CRYM: variants seen among roughly 807,000 people sequenced by gnomAD.
CRYM encodes ketimine reductase mu-crystallin.
Under a neutral mutation model 32.9 loss-of-function variants are expected in CRYM, and 18 were observed. The observed-to-expected ratio is 0.55, with a 90% confidence interval of 0.38 to 0.81. The LOEUF (loss-of-function observed/expected upper bound fraction) is 0.81, where lower values mean the gene tolerates loss of function less well. Ranked by LOEUF, CRYM falls within the 30% of genes least tolerant of loss-of-function variation. The pLI, the probability that CRYM is intolerant of heterozygous loss-of-function variation, is 0.00. For synonymous variants in CRYM, 153 were observed against 152.4 expected, an observed-to-expected ratio of 1.00 and a Z score of -0.03; for missense variants, 337 against 393.5, an observed-to-expected ratio of 0.86 and a Z score of 1.21.
chr16:21,300,738 A>C (rs944820943), intron 1 of CRYM: 1 of 152,222 alleles, frequency 6.6e-6, no homozygotes, highest in Non-Finnish European at 1.5e-5. Context: ...CTCCTGACAA[A>C]GCTTAACTTC....
chr16:21,294,018 G>A (rs1960730095), intron 1 of CRYM, among the ~76,000 whole-genome samples: 2 of 152,156 alleles, frequency 1.3e-5, no homozygotes, highest in Non-Finnish European at 2.9e-5. Flanking sequence ...CAATTTGTCA[G>A]CAAAAAGGTA....
intron 1 of CRYM, chr16:21,283,977 G>C (rs572544713): frequency 3.3e-5 from 5 of 152,562 alleles, no homozygotes; most frequent in African/African-American, 9.6e-5. Context: ...GTGAGTGCTC[G>C]GGAGCCCCGG....
At chr16:21,280,010 G>A (rs935331730), upstream of CRYM, among the ~76,000 whole-genome samples, 3 of 152,138 alleles carry the variant, frequency 2.0e-5, no homozygotes, top group African/African-American at 7.2e-5. Context: ...GAGCCGCTGG[G>A]CTTATAGAAA....
At chr16:21,284,295 CT>C (rs2093403821) in intron 1 of CRYM, among the ~76,000 whole-genome samples, 1 of 152,044 alleles carries the variant, frequency 6.6e-6, no homozygotes, top group African/African-American at 2.4e-5. Flanking sequence ...TCGGGCTTTT[CT>C]TTTTCTTTTT....
upstream of CRYM, among the ~76,000 whole-genome samples, chr16:21,282,461 A>G (rs538742548): frequency 1.3e-5 from 2 of 152,156 alleles, no homozygotes; most frequent in Non-Finnish European, 2.9e-5. Context: ...AAGGAGAAAA[A>G]AAGCAAAACC....
At chr16:21,271,373 A>G (rs113472529) in intron 3 of CRYM, among the ~76,000 whole-genome samples, 2 of 152,278 alleles carry the variant, frequency 1.3e-5, no homozygotes, top group African/African-American at 4.8e-5. Context: ...TCTCTATTCC[A>G]TTTAGTAAAC....
At chr16:21,302,296 G>T (rs1326615463) in intron 1 of CRYM, among the ~76,000 whole-genome samples, 1 of 152,174 alleles carries the variant, frequency 6.6e-6, no homozygotes, top group South Asian at 2.1e-4. Context: ...AACTATAAGA[G>T]GAAAGGATGC....
chr16:21,296,665 C>T (rs927737056), intron 1 of CRYM, among the ~76,000 whole-genome samples: 2 of 152,236 alleles, frequency 1.3e-5, no homozygotes, highest in Admixed American at 1.3e-4. Flanking sequence ...AAAGTCAGAT[C>T]GAGTGCAGAT....
chr16:21,278,406 C>T (rs1235061790), upstream of CRYM: 7 of 883,446 alleles, frequency 7.9e-6, no homozygotes, highest in Non-Finnish European at 1.8e-6. Flanking sequence ...CCCGCCAGCC[C>T]TCTCCTCCCC....
At chr16:21,276,661 T>G (rs2093387205) in intron 2 of CRYM, among the ~76,000 whole-genome samples, 1 of 152,188 alleles carries the variant, frequency 6.6e-6, no homozygotes, top group African/African-American at 2.4e-5. Flanking sequence ...GAATTGAATG[T>G]GATCAGCGTC....
At chr16:21,290,737 A>G (rs1373351695) in intron 1 of CRYM, among the ~76,000 whole-genome samples, 2 of 152,136 alleles carry the variant, frequency 1.3e-5, no homozygotes, top group African/African-American at 4.8e-5. Context: ...TATTTAATTT[A>G]GTATTTAGAG....
chr16:21,296,971 C>T (rs561065327), intron 1 of CRYM, among the ~76,000 whole-genome samples: 14 of 151,842 alleles, frequency 9.2e-5, no homozygotes, highest in Admixed American at 5.2e-4. Context: ...ATCGCGCCAC[C>T]GACTCCAGCC....
chr16:21,276,314 T>C (rs1387649156), intron 2 of CRYM, among the ~76,000 whole-genome samples: 1 of 152,210 alleles, frequency 6.6e-6, no homozygotes, highest in Non-Finnish European at 1.5e-5. Flanking sequence ...CCTTGGGTTC[T>C]ACCCCCCTAG....
chr16:21,272,651 A>ATTT (rs11353509), intron 3 of CRYM, among the ~76,000 whole-genome samples: 2 of 133,398 alleles, frequency 1.5e-5, no homozygotes, highest in Non-Finnish European at 3.2e-5. Context: ...ATTGGTGTGA[A>ATTT]TTTTTTTTTT....
In CRYM at chr16:21,261,437, T is replaced by C. The variant is rs1421477932; in HGVS notation, c.796-99A>G. The C allele has an allele frequency of 7.8e-6, 5 of 642,380 alleles. No individual in the cohort carries two copies. The Admixed American group carries it at 1.4e-4, about 18-fold the overall frequency. The allele number at this position is 642,380 out of a possible 1,614,324, so 39.8% of individuals were successfully genotyped here. A position where few individuals can be genotyped will look rare whatever the true frequency, so the allele number is the denominator to read the frequency against. On this transcript the variant is annotated intron_variant, in intron 6 of 7. Coordinates refer to ENST00000572914, the MANE Select transcript of CRYM (RefSeq NM_001376256.1). ...GGGAATTCCTGAATTGGATAAGAGA[T>C]AAATTTGATTAAAAAAAAAAAAAAA...
At chr16:21,299,138 CTTATTG>C (rs1960846830) in intron 1 of CRYM, among the ~76,000 whole-genome samples, 1 of 151,842 alleles carries the variant, frequency 6.6e-6, no homozygotes, top group Non-Finnish European at 1.5e-5. Context: ...ATGATTAATC[CTTATTG>C]TTATTAATCT....
At chr16:21,284,439 C>A (rs1460625568) in intron 1 of CRYM, among the ~76,000 whole-genome samples, 2 of 152,072 alleles carry the variant, frequency 1.3e-5, no homozygotes, top group Non-Finnish European at 2.9e-5. Context: ...TTTTCATCAC[C>A]CCCCAAATAA....
At chr16:21,290,627 T>C (rs999429727) in intron 1 of CRYM, among the ~76,000 whole-genome samples, 1 of 152,200 alleles carries the variant, frequency 6.6e-6, no homozygotes, top group African/African-American at 2.4e-5. Context: ...TTTTTTCCAG[T>C]AATTTGAACT....
upstream of CRYM, among the ~76,000 whole-genome samples, chr16:21,279,265 G>A (rs539298974): frequency 6.6e-6 from 1 of 152,300 alleles, no homozygotes; most frequent in Admixed American, 6.5e-5. Context: ...GGGAGGTGTT[G>A]TTATTAGTTT....
Sources: allele counts gnomAD v4.1 joint callset (sites outside exome capture counted in the v4.1 genomes callset), GRCh38; gene constraint gnomAD v4.1.1; transcripts MANE v1.5; gene names NCBI Gene and HGNC (gene_info 2026-07-23, HGNC 2026-07-21).